Variants in MIPOL1 observed in about 807,000 individuals in gnomAD.
MIPOL1 encodes the protein mirror-image polydactyly gene 1 protein.
In MIPOL1, 57 loss-of-function variants were observed where a neutral mutation model predicts 60.9. The ratio of observed to expected loss-of-function variants is 0.94; its 90% CI spans 0.76 to 1.17. The LOEUF (loss-of-function observed/expected upper bound fraction) is 1.17, where lower values mean the gene tolerates loss of function less well. MIPOL1 is among the 50% of genes most tolerant of loss of function. MIPOL1 has a pLI of 0.00. For missense variants in MIPOL1, 551 were observed against 511.6 expected (o/e 1.08, Z -0.74); for synonymous variants, 179 against 168.8 (o/e 1.06, Z -0.47).
rs143017268 is a variant in MIPOL1, at chr14:37,421,389, A to G, written c.937-1466A>G. 6.2e-4 allele frequency among the ~76,000 whole-genome samples: 94 copies of G among 152,250 alleles called. 1 individual carries two copies. Among genetic ancestry groups the G allele is most frequent in the African/African-American group, 2.0e-3 (85 of 41,562 alleles). On this transcript the variant is annotated intron_variant, in intron 10 of 12. Coordinates refer to ENST00000684589, the MANE Select transcript of MIPOL1 (RefSeq NM_001388067.1). ...GCATGTCTGAAGTCTGAAGTTTTTA[A>G]AGTTGAATGTGATATTTTTGATTCT...
intron 3 of MIPOL1, among the ~76,000 whole-genome samples, chr14:37,266,151 T>C (rs1332068871): frequency 1.3e-5 from 2 of 152,090 alleles, no homozygotes; most frequent in Non-Finnish European, 2.9e-5. Flanking sequence ...TCCTCTAAGA[T>C]TGAAGAAGAT....
At chr14:37,453,762 C>T (rs183979057) in intron 11 of MIPOL1, among the ~76,000 whole-genome samples, 3 of 152,276 alleles carry the variant, frequency 2.0e-5, no homozygotes, top group African/African-American at 4.8e-5. Context: ...TTGTTAGTGA[C>T]AAGCTTGCAA....
At chr14:37,299,533 T>C (rs1362786432) in intron 7 of MIPOL1, among the ~76,000 whole-genome samples, 1 of 152,120 alleles carries the variant, frequency 6.6e-6, no homozygotes, top group Non-Finnish European at 1.5e-5. Flanking sequence ...TGAGTCTATA[T>C]GATGGGATAA....
rs112300098 is a variant in MIPOL1 at position 37,331,779 on chromosome 14, C to T, written c.828+23260C>T. 2.0e-5 allele frequency among the ~76,000 whole-genome samples: 3 copies of T among 152,212 alleles called. 1 individual carries two copies. Among genetic ancestry groups the T allele is most frequent in the African/African-American group, 7.2e-5 (3 of 41,532 alleles). ...TTTATATCTTTCTCTTGTCAAATTGCTCTGTCTAGGACTTTCAGTAATATG... is the reference window on the plus strand; with the variant it reads ...TTTATATCTTTCTCTTGTCAAATTGTTCTGTCTAGGACTTTCAGTAATATG... On this transcript the variant is annotated intron_variant, in intron 9 of 12. Transcript: ENST00000684589.
intron 1 of MIPOL1, among the ~76,000 whole-genome samples, chr14:37,205,006 G>A (rs1965856710): frequency 6.6e-6 from 1 of 152,152 alleles, no homozygotes; most frequent in African/African-American, 2.4e-5. Context: ...GAGAACTGTA[G>A]CAAAAGCAAA....
At chr14:37,497,544 A>G (rs1353301807) in intron 11 of MIPOL1, among the ~76,000 whole-genome samples, 3 of 152,234 alleles carry the variant, frequency 2.0e-5, no homozygotes, top group Non-Finnish European at 2.9e-5. Context: ...ACCTTCATCA[A>G]AAGACAGCAT....
At chr14:37,200,848 CTATGTGTGTG>C (rs1266028637) in intron 1 of MIPOL1, among the ~76,000 whole-genome samples, 45 of 94,886 alleles carry the variant, frequency 4.7e-4, no homozygotes, top group African/African-American at 1.7e-3. Context: ...CTATATCTAT[CTATGTGTGTG>C]TGTGTGTGTG....
chr14:37,251,517 G>C (rs1029213596), intron 3 of MIPOL1, among the ~76,000 whole-genome samples: 6 of 150,568 alleles, frequency 4.0e-5, no homozygotes, highest in African/African-American at 1.5e-4. Context: ...GATGTTTTGC[G>C]TTTTTGTGAA....
intron 1 of MIPOL1, among the ~76,000 whole-genome samples, chr14:37,221,036 A>ATT (rs34293599): frequency 6.7e-6 from 1 of 148,186 alleles, no homozygotes; most frequent in Non-Finnish European, 1.5e-5. Flanking sequence ...TTGTTTGTTA[A>ATT]TTTTTTTTTT....
intron 11 of MIPOL1, among the ~76,000 whole-genome samples, chr14:37,456,395 G>C (rs2094476745): frequency 6.6e-6 from 1 of 151,992 alleles, no homozygotes; most frequent in South Asian, 2.1e-4. Flanking sequence ...TTATGGGTAA[G>C]TTCTACACAA....
At chr14:37,443,822 G>A (rs184881951) in intron 11 of MIPOL1, among the ~76,000 whole-genome samples, 13 of 151,080 alleles carry the variant, frequency 8.6e-5, no homozygotes, top group East Asian at 3.9e-4. Flanking sequence ...GTACTGCAGC[G>A]CAAAGGGTGG....
intron 11 of MIPOL1, among the ~76,000 whole-genome samples, chr14:37,442,733 A>T (rs958308464): frequency 6.6e-6 from 1 of 151,928 alleles, no homozygotes; most frequent in Non-Finnish European, 1.5e-5. Context: ...AACCTTTACA[A>T]TAGCATCAAA....
intron 10 of MIPOL1, among the ~76,000 whole-genome samples, chr14:37,378,782 T>G (rs1404735098): frequency 2.6e-5 from 4 of 151,768 alleles, no homozygotes; most frequent in African/African-American, 9.7e-5. Context: ...CCACTAAAAT[T>G]GACTTAAGAA....
chr14:37,310,798 G>A (rs766098334), intron 9 of MIPOL1, among the ~76,000 whole-genome samples: 4 of 152,140 alleles, frequency 2.6e-5, no homozygotes, highest in African/African-American at 7.2e-5. Context: ...ACTCCTGGAC[G>A]ATCCTGTATT....
chr14:37,326,676 C>T (rs1228300337), intron 9 of MIPOL1, among the ~76,000 whole-genome samples: 1 of 152,066 alleles, frequency 6.6e-6, no homozygotes, highest in Non-Finnish European at 1.5e-5. Context: ...GTTGCCGAGC[C>T]CTTGCAGAAC....
At chr14:37,209,440 C>A (rs1594459533) in intron 1 of MIPOL1, among the ~76,000 whole-genome samples, 2 of 152,228 alleles carry the variant, frequency 1.3e-5, no homozygotes, top group South Asian at 2.1e-4. Flanking sequence ...AGGAGGATCA[C>A]CTGAGGTCAG....
chr14:37,265,510 AAATT>A (rs1945968507), intron 3 of MIPOL1, among the ~76,000 whole-genome samples: 1 of 152,318 alleles, frequency 6.6e-6, no homozygotes, highest in Admixed American at 6.5e-5. Flanking sequence ...ATGAATAAAT[AAATT>A]AGAAGAGTCA....
At position 37,268,820 on chromosome 14, in the gene MIPOL1, T is replaced by C. The variant is rs2083074148; in HGVS notation, c.387+27T>C. The C allele has an allele frequency of 3.3e-6, 5 of 1,512,158 alleles. No homozygotes were observed. The East Asian group carries it at 1.2e-4, about 36-fold the overall frequency. The allele number at this position is 1,512,158 out of a possible 1,614,324, so 93.7% of individuals were successfully genotyped here. ...TATAATATGGAAAGTCTGATAATTG[T>C]ATAGTATGGGTTTAGCTGTTGATCT... On this transcript the variant is annotated intron_variant, in intron 5 of 12. Coordinates refer to ENST00000684589, the MANE Select transcript of MIPOL1 (RefSeq NM_001388067.1).
At chr14:37,255,887 A>G (rs1008204711) in intron 3 of MIPOL1, among the ~76,000 whole-genome samples, 3 of 151,876 alleles carry the variant, frequency 2.0e-5, no homozygotes, top group African/African-American at 7.2e-5. Context: ...GTTTTTACAT[A>G]TAACCATTTA....
Sources: gnomAD v4.1 joint callset for allele counts (sites outside exome capture counted in the v4.1 genomes callset) on GRCh38, gnomAD v4.1.1 for gene constraint, MANE v1.5 for transcripts, NCBI Gene and HGNC (gene_info 2026-07-23, HGNC 2026-07-21) for gene names.